Variants in NEIL2 observed in about 807,000 individuals in gnomAD.
NEIL2 encodes nei like DNA glycosylase 2.
A neutral mutation model predicts 22.2 loss-of-function variants in NEIL2; 23 were observed. That is an observed-to-expected ratio of 1.04 (90% CI 0.75 to 1.47). The LOEUF (loss-of-function observed/expected upper bound fraction) is 1.47. Ranked by LOEUF, NEIL2 falls within the 40% of genes most tolerant of loss-of-function variation. The probability of loss-of-function intolerance (pLI) is 0.00; values close to 1 mark genes in which losing one functional copy is unlikely to be tolerated. For missense variants in NEIL2, 583 were observed against 404.7 expected (o/e 1.44, Z -3.78); for synonymous variants, 229 against 164.8 (o/e 1.39, Z -2.99).
At chr8:11,771,833 T>C (rs1029006480) in intron 2 of NEIL2, among the ~76,000 whole-genome samples, 1 of 152,170 alleles carries the variant, frequency 6.6e-6, no homozygotes, top group Admixed American at 6.5e-5. Flanking sequence ...AGTGCTCCTA[T>C]TCTCTCCGGC....
intron 2 of NEIL2, among the ~76,000 whole-genome samples, chr8:11,777,819 C>T (rs1417727470): frequency 6.6e-6 from 1 of 152,248 alleles, no homozygotes; most frequent in Non-Finnish European, 1.5e-5. Context: ...CCTGGAAAGT[C>T]CAAGGGCATG....
chr8:11,773,858 C>T (rs1312401149), intron 2 of NEIL2, among the ~76,000 whole-genome samples: 2 of 152,160 alleles, frequency 1.3e-5, no homozygotes, highest in Admixed American at 1.3e-4. Flanking sequence ...TCTCCTCCTC[C>T]AGTAATGGAA....
intron 3 of NEIL2, among the ~76,000 whole-genome samples, chr8:11,780,309 G>C (rs1184723219): frequency 1.3e-5 from 2 of 152,174 alleles, no homozygotes; most frequent in East Asian, 1.9e-4. Context: ...TATATTGTTT[G>C]TGTGTTTATT....
rs1380027563 is a variant in NEIL2 at position 11,786,564 on chromosome 8, G to T, written c.*291G>T. ...GGAAAACTTCCCGGAAGGCAATGGG[G>T]CAAGGAAAAAGAAAGCCTATGGGAA... On this transcript the variant is annotated 3_prime_UTR_variant, in exon 5 of 5. Transcript: ENST00000284503. 1 of 480,468 alleles carries T rather than the reference G, an allele frequency of 2.1e-6. No homozygotes were observed. Among genetic ancestry groups the T allele is most frequent in the Non-Finnish European group, 3.8e-6 (1 of 263,520 alleles). 29.8% of individuals were successfully genotyped at this position (480,468 alleles called of 1,614,324 possible).
At chr8:11,774,155 C>G (rs1012787372) in intron 2 of NEIL2, among the ~76,000 whole-genome samples, 2 of 152,066 alleles carry the variant, frequency 1.3e-5, no homozygotes, top group African/African-American at 4.8e-5. Flanking sequence ...GTGGGCAGGT[C>G]GCCTGAGGTC....
intron 4 of NEIL2, among the ~76,000 whole-genome samples, chr8:11,785,482 C>T (rs1459393744): frequency 1.3e-5 from 2 of 152,194 alleles, no homozygotes; most frequent in Non-Finnish European, 2.9e-5. Flanking sequence ...AGGAATGCGC[C>T]AGGCCAACAT....
In NEIL2 at chr8:11,770,135, G is replaced by A. The variant is rs1040349518; in HGVS notation, c.-203G>A. The A allele has an allele frequency of 6.6e-6, 1 of 152,218 alleles. No homozygotes were observed. The highest frequency in any genetic ancestry group is 2.4e-5 in the African/African-American group (1 of 41,448). The allele number at this position is 152,218 out of a possible 1,614,324, so 9.4% of individuals were successfully genotyped here. A position where few individuals can be genotyped will look rare whatever the true frequency, so the allele number is the denominator to read the frequency against. ...CCGGAGGGTGGGCGCGGCATCTTCA[G>A]CGACTCTTCGAAGTCCCTTCCGCGT... is the stretch of plus-strand genomic sequence containing the variant. On this transcript the variant is annotated 5_prime_UTR_variant, in exon 1 of 5. Transcript: ENST00000284503.
intron 2 of NEIL2, among the ~76,000 whole-genome samples, chr8:11,775,375 C>T (rs914494733): frequency 3.3e-5 from 5 of 152,224 alleles, no homozygotes; most frequent in Non-Finnish European, 7.3e-5. Context: ...GGGGCTAGGA[C>T]ACAGGGCACC....
At chr8:11,772,993 G>T (rs1427211114) in intron 2 of NEIL2, among the ~76,000 whole-genome samples, 1 of 152,084 alleles carries the variant, frequency 6.6e-6, no homozygotes, top group Non-Finnish European at 1.5e-5. Context: ...CTGTAGCCCT[G>T]TACCCATAGT....
At chr8:11,774,118 G>A (rs1217095633) in intron 2 of NEIL2, among the ~76,000 whole-genome samples, 1 of 152,150 alleles carries the variant, frequency 6.6e-6, no homozygotes, top group Non-Finnish European at 1.5e-5. Context: ...GCTCATGCCT[G>A]TAATCCCAGC....
intron 2 of NEIL2, among the ~76,000 whole-genome samples, chr8:11,774,794 A>C (rs1181350626): frequency 6.6e-6 from 1 of 152,256 alleles, no homozygotes; most frequent in Non-Finnish European, 1.5e-5. Flanking sequence ...TACAGGCCCC[A>C]TGCAAGTCTG....
Position 11,779,914 on chromosome 8 carries a change from CCAA to C in NEIL2, c.459_461del (p.Asn153del). On this transcript the variant is annotated inframe_deletion, in exon 3 of 5. Coordinates refer to ENST00000284503, the MANE Select transcript of NEIL2 (RefSeq NM_145043.4). ...AACGATTTCTCCAGAGCCAAGAAAGCCAACAAGAGGGGGGACTGGAGGGACCCT... is the reference window on the plus strand; with the variant it reads ...AACGATTTCTCCAGAGCCAAGAAAGCCAAGAGGGGGGACTGGAGGGACCCT... 4 of 1,614,082 alleles carry C rather than the reference CCAA, an allele frequency of 2.5e-6. No homozygotes were observed. The highest frequency in any genetic ancestry group is 3.4e-6 in the Non-Finnish European group (4 of 1,179,984).
At chr8:11,779,286 T>C (rs1804182876) in intron 2 of NEIL2, among the ~76,000 whole-genome samples, 1 of 152,218 alleles carries the variant, frequency 6.6e-6, no homozygotes, top group Non-Finnish European at 1.5e-5. Context: ...TGACAACTTA[T>C]GTTCATTTCT....
At chr8:11,775,611 T>C (rs1349975162) in intron 2 of NEIL2, among the ~76,000 whole-genome samples, 2 of 152,226 alleles carry the variant, frequency 1.3e-5, no homozygotes, top group Non-Finnish European at 2.9e-5. Context: ...GGTTTTTCTT[T>C]TCTACTGCAT....
intron 2 of NEIL2, among the ~76,000 whole-genome samples, chr8:11,774,979 GTGTC>G (rs1803782202): frequency 1.3e-5 from 2 of 152,258 alleles, no homozygotes; most frequent in Middle Eastern, 3.2e-3. Context: ...CTGGCATTGA[GTGTC>G]TGTGTGTTTT....
chr8:11,777,213 G>A (rs1314887511), intron 2 of NEIL2, among the ~76,000 whole-genome samples: 1 of 150,960 alleles, frequency 6.6e-6, no homozygotes, highest in Non-Finnish European at 1.5e-5. Flanking sequence ...GGCTGGTCTC[G>A]ATCTCCTGGG....
intron 4 of NEIL2, 111 bp from the exon 5 acceptor site, chr8:11,785,852 A>G: frequency 3.1e-6 from 3 of 967,008 alleles, no homozygotes; most frequent in Admixed American, 1.7e-5. Context: ...AGACCCGTCT[A>G]GGGTCCCCCA....
intron 2 of NEIL2, 87 bp from the exon 3 acceptor site, chr8:11,779,511 A>G: frequency 9.1e-7 from 1 of 1,093,050 alleles, no homozygotes; most frequent in Admixed American, 1.7e-5. Flanking sequence ...GGTGAGAAGG[A>G]AGACCTTTGC....
intron 3 of NEIL2, among the ~76,000 whole-genome samples, chr8:11,782,089 C>G (rs1044942265): frequency 2.0e-5 from 3 of 151,808 alleles, no homozygotes; most frequent in African/African-American, 7.3e-5. Context: ...ATAAAATTAG[C>G]TTTATATATC....
Sources: allele counts gnomAD v4.1 joint callset (sites outside exome capture counted in the v4.1 genomes callset), GRCh38; gene constraint gnomAD v4.1.1; transcripts MANE v1.5; gene names NCBI Gene and HGNC (gene_info 2026-07-23, HGNC 2026-07-21).